The following TTC34 variants were observed in gnomAD, a reference collection of about 807,000 sequenced individuals.
The protein encoded by TTC34 is tetratricopeptide repeat protein 34.
Under a neutral mutation model 40.7 loss-of-function variants are expected in TTC34, and 44 were observed. That is an observed-to-expected ratio of 1.08 (90% CI 0.85 to 1.39). TTC34 has a LOEUF of 1.39. Ranked by LOEUF, TTC34 falls within the 40% of genes most tolerant of loss-of-function variation. The pLI, the probability that TTC34 is intolerant of heterozygous loss-of-function variation, is 0.00. For synonymous variants in TTC34, 422 were observed against 398.6 expected (o/e 1.06, Z -0.70); for missense variants, 884 against 838.0 (o/e 1.05, Z -0.68).
At chr1:2,637,905 A>C (rs1376388440) in exon 9 of TTC34, 2 of 152,168 alleles carry the variant, frequency 1.3e-5, no homozygotes, top group Admixed American at 1.3e-4. Flanking sequence ...GTGGGCACTG[A>C]GTGGGAAGGA....
intron 2 of TTC34, among the ~76,000 whole-genome samples, chr1:2,797,814 C>A (rs1030650602): frequency 5.3e-5 from 8 of 152,030 alleles, no homozygotes; most frequent in African/African-American, 1.7e-4. Flanking sequence ...GCGCTTCCCT[C>A]CACAGTTCAG....
chr1:2,686,423 C>T (rs926685376), intron 6 of TTC34, among the ~76,000 whole-genome samples: 2 of 150,786 alleles, frequency 1.3e-5, no homozygotes, highest in Admixed American at 1.3e-4. Flanking sequence ...ATCTGACAGC[C>T]TGGAACAGAA....
chr1:2,673,335 A>G (rs1639768391), intron 6 of TTC34, among the ~76,000 whole-genome samples: 1 of 79,626 alleles, frequency 1.3e-5, no homozygotes, highest in Non-Finnish European at 3.1e-5. Context: ...AGCATCCGGC[A>G]GCCTGGAGCG....
intron 6 of TTC34, among the ~76,000 whole-genome samples, chr1:2,698,862 T>G (rs1278568506): frequency 1.4e-5 from 2 of 148,042 alleles, no homozygotes; most frequent in Non-Finnish European, 3.0e-5. Flanking sequence ...CAGGCGAGCA[T>G]CTGACATCCT....
intron 8 of TTC34, among the ~76,000 whole-genome samples, chr1:2,643,589 C>T (rs1462002711): frequency 6.6e-6 from 1 of 152,130 alleles, no homozygotes; most frequent in East Asian, 1.9e-4. Context: ...GAGACCCCAC[C>T]CCGCCCAGCC....
At chr1:2,757,823 C>T (rs1157641999) in intron 6 of TTC34, among the ~76,000 whole-genome samples, 809 of 147,316 alleles carry the variant, frequency 5.5e-3, no homozygotes, top group East Asian at 0.032. Context: ...CCTGGAGCAG[C>T]ACCCACACCC....
chr1:2,749,257 C>G (rs1222582340), intron 6 of TTC34, among the ~76,000 whole-genome samples: 1 of 88,262 alleles, frequency 1.1e-5, no homozygotes, highest in African/African-American at 8.4e-5. Context: ...ATGTGAGCAT[C>G]TGATGGTCTG....
At chr1:2,772,873 G>C (rs1261122627) in intron 6 of TTC34, among the ~76,000 whole-genome samples, 11 of 81,896 alleles carry the variant, frequency 1.3e-4, no homozygotes, top group African/African-American at 4.5e-4. Context: ...ATGAGCATCT[G>C]ACAGCCTGGA....
Position 2,752,732 on chromosome 1 carries a change from AC to A in TTC34, c.2226+30876del, listed in dbSNP as rs1333170781. On this transcript the variant is annotated intron_variant, in intron 6 of 8. Coordinates refer to ENST00000401095, the Ensembl canonical transcript of TTC34. ...CTGACAGCATGGAACAGCACCCTGC[AC>A]CCCCAGGACAGCATCTGACAGCGTG... is the stretch of plus-strand genomic sequence containing the variant. 3.2e-5 allele frequency among the ~76,000 whole-genome samples: 4 copies of A among 124,802 alleles called. 1 individual carries two copies. The highest frequency in any genetic ancestry group is 6.5e-5 in the Non-Finnish European group (4 of 61,148). 81.9% of individuals were successfully genotyped at this position (124,802 alleles called of 152,430 possible). A position where few individuals can be genotyped will look rare whatever the true frequency, so the allele number is the denominator to read the frequency against.
At chr1:2,683,155 A>T (rs1165658101) in intron 6 of TTC34, among the ~76,000 whole-genome samples, 8 of 130,710 alleles carry the variant, frequency 6.1e-5, no homozygotes, top group Admixed American at 2.3e-4. Context: ...GCACAGCCCC[A>T]GGAGAGCATC....
At chr1:2,792,403 CTTACTGTAGCTCATATT>C (rs1643673500) in intron 2 of TTC34, among the ~76,000 whole-genome samples, 1 of 152,056 alleles carries the variant, frequency 6.6e-6, no homozygotes. Flanking sequence ...TCTTTTTCTC[CTTACTGTAGCTCATATT>C]TTATTTTCCT....
rs1053348323 is a variant in TTC34, at chr1:2,692,174, A to C, written c.2227-46611T>G. On this transcript the variant is annotated intron_variant, in intron 6 of 8. Transcript: ENST00000401095. Reference sequence around the variant, plus strand: ...AGGCGAGCATCTGACGGCCTGGAACAGCACACACACCGCCAGGTGAGCATT... The same window carrying C: ...AGGCGAGCATCTGACGGCCTGGAACCGCACACACACCGCCAGGTGAGCATT... Among the ~76,000 whole-genome samples the C allele has an allele frequency of 7.5e-5, 5 of 66,524 alleles. 1 individual carries two copies. The highest frequency in any genetic ancestry group is 2.5e-4 in the African/African-American group (5 of 20,354). 43.6% of individuals were successfully genotyped at this position (66,524 alleles called of 152,430 possible). A position where few individuals can be genotyped will look rare whatever the true frequency, so the allele number is the denominator to read the frequency against.
At chr1:2,791,649 C>T (rs1200329203) in intron 2 of TTC34, among the ~76,000 whole-genome samples, 2 of 152,164 alleles carry the variant, frequency 1.3e-5, no homozygotes, top group Non-Finnish European at 2.9e-5. Flanking sequence ...AAGTAAAAGA[C>T]ACTTTGAGCC....
At chr1:2,750,125 C>G (rs1406988583) in intron 6 of TTC34, among the ~76,000 whole-genome samples, 5,056 of 76,002 alleles carry the variant, frequency 0.067, no homozygotes, top group East Asian at 0.14. Context: ...CACCCACACA[C>G]CCAGGTGAGC....
chr1:2,645,587 G>GGGCCCCC lies in TTC34; in HGVS notation c.2227-25_2227-24insGGGGGCC. The GGGCCCCC allele has an allele frequency of 4.4e-6, 1 of 229,528 alleles. No individual in the cohort carries two copies. Among genetic ancestry groups the GGGCCCCC allele is most frequent in the Non-Finnish European group, 8.6e-6 (1 of 116,450 alleles). 14.2% of individuals were successfully genotyped at this position (229,528 alleles called of 1,614,324 possible). A position where few individuals can be genotyped will look rare whatever the true frequency, so the allele number is the denominator to read the frequency against. On this transcript the variant is annotated intron_variant, in intron 6 of 8. Transcript: ENST00000401095. This position sits in a 1 kb window ranked among gnomAD's most constrained non-coding sequence, Gnocchi z 4.7. ...TCCTGCAAGGAGGGAGGGCGGGCGG[G>GGGCCCCC]TGCAGAGTTGTCCTAAGTAGAGAAA...
intron 6 of TTC34, among the ~76,000 whole-genome samples, chr1:2,686,790 T>TGACTATCGGACAGCCTGGAA (rs1640376573): frequency 3.8e-5 from 1 of 26,150 alleles, no homozygotes; most frequent in Non-Finnish European, 6.8e-5. Context: ...ACAGCCTGGA[T>TGACTATCGGACAGCCTGGAA]CAGCACCCAC....
chr1:2,641,111 G>A (rs1219364440), exon 9 of TTC34: 1 of 221,746 alleles, frequency 4.5e-6, no homozygotes. Flanking sequence ...GGAAGGTGGT[G>A]TGGGGAGGGC....
chr1:2,643,210 AC>A (rs1301592941), intron 8 of TTC34, among the ~76,000 whole-genome samples: 31 of 152,166 alleles, frequency 2.0e-4, no homozygotes. Flanking sequence ...GCGCAGTGCC[AC>A]CCGGAGGGGG....
rs1254595352 is a variant in TTC34 at position 2,761,291 on chromosome 1, T to C, written c.2226+22318A>G. On this transcript the variant is annotated intron_variant, in intron 6 of 8. Transcript: ENST00000401095. ...CTGGGGCAGCACCCACTCCCGCAGGTGAGCATCCGACAGCCTGGAGCAGCA... is the reference window on the plus strand; with the variant it reads ...CTGGGGCAGCACCCACTCCCGCAGGCGAGCATCCGACAGCCTGGAGCAGCA... 4.1e-5 allele frequency among the ~76,000 whole-genome samples: 2 copies of C among 48,582 alleles called. 1 individual carries two copies. The highest frequency in any genetic ancestry group is 3.8e-4 in the Admixed American group (2 of 5,276). The allele number at this position is 48,582 out of a possible 152,430, so 31.9% of individuals were successfully genotyped here. A position where few individuals can be genotyped will look rare whatever the true frequency, so the allele number is the denominator to read the frequency against.
Sources: gnomAD v4.1 joint callset for allele counts (sites outside exome capture counted in the v4.1 genomes callset) on GRCh38, gnomAD v4.1.1 for gene constraint, Gnocchi (gnomAD v3.1) non-coding constraint, MANE v1.5 for transcripts, NCBI Gene and HGNC (gene_info 2026-07-23, HGNC 2026-07-21) for gene names.